Variants in TNS1 observed in about 807,000 individuals in gnomAD.
TNS1 encodes tensin 1, also known as tensin-1.
Under a neutral mutation model 168.6 loss-of-function variants are expected in TNS1, and 62 were observed. The observed-to-expected ratio is 0.37, with a 90% CI of 0.30 to 0.45. TNS1 has a LOEUF of 0.45. Among genes scored for constraint, TNS1 ranks in the 20% least tolerant of loss-of-function variants. The pLI is 1.00. For missense variants in TNS1, 2,240 were observed against 2,339.4 expected (o/e 0.96, Z 0.88); for synonymous variants, 934 against 933.2 (o/e 1.00, Z -0.02).
intron 3 of TNS1, among the ~76,000 whole-genome samples, chr2:217,973,367 GAAAAAAAA>G (rs58463140): frequency 1.7e-4 from 16 of 93,584 alleles, no homozygotes; most frequent in Non-Finnish European, 3.1e-4. Context: ...TCCTGTCTCT[GAAAAAAAA>G]AAAAAAAAAA....
In TNS1 at chr2:217,885,051, A is replaced by C; in HGVS notation, c.1230T>G (p.Leu410=). 6.2e-7 allele frequency: 1 copy of C among 1,614,226 alleles called. No homozygotes were observed. The part of the protein sequence containing the change: ...DLGVVFGKED[L]DDAFKDDRFP... ...GGAGCGCACCTTTGAAAGCATCATCAAGGTCCTCCTTCCCAAAGACAACCC... is the reference window on the plus strand; with the variant it reads ...GGAGCGCACCTTTGAAAGCATCATCCAGGTCCTCCTTCCCAAAGACAACCC... The change falls in exon 16 of 33, where the codon CTT becomes CTG. Residue 410 remains leucine, a synonymous_variant. Coordinates refer to ENST00000682258, the MANE Select transcript of TNS1 (RefSeq NM_001387777.1).
chr2:218,030,070 T>C (rs537222320), intron 1 of TNS1, among the ~76,000 whole-genome samples: 1 of 152,186 alleles, frequency 6.6e-6, no homozygotes, highest in South Asian at 2.1e-4. Context: ...TGACCGTCTC[T>C]AACTCTGACC....
chr2:217,817,406 G>A (rs1423560634), intron 24 of TNS1, among the ~76,000 whole-genome samples: 3 of 152,168 alleles, frequency 2.0e-5, no homozygotes, highest in African/African-American at 7.2e-5. Context: ...AGTGGTAATG[G>A]CTATGAGGAC....
chr2:217,949,874 G>T (rs1473246510), intron 3 of TNS1, among the ~76,000 whole-genome samples: 1 of 152,134 alleles, frequency 6.6e-6, no homozygotes, highest in Admixed American at 6.5e-5. Context: ...TCCAAAACAA[G>T]GGTTCCAAAG....
intron 12 of TNS1, among the ~76,000 whole-genome samples, chr2:217,887,444 G>C (rs1175996294): frequency 6.6e-6 from 1 of 152,188 alleles, no homozygotes. Flanking sequence ...GAGTAGCTGG[G>C]ATTACAGGCA....
chr2:218,029,730 C>T (rs139401696), intron 1 of TNS1, among the ~76,000 whole-genome samples: 109 of 152,304 alleles, frequency 7.2e-4, no homozygotes, highest in African/African-American at 2.5e-3. Context: ...GGTTAGAAGT[C>T]GGGATTGCGC....
Position 217,812,455 on chromosome 2 carries a change from G to A in TNS1, c.4955-10C>T, listed in dbSNP as rs201748688. The A allele has an allele frequency of 2.5e-6, 4 of 1,613,460 alleles. No individual in the cohort carries two copies. The highest frequency in any genetic ancestry group is 3.4e-6 in the Non-Finnish European group (4 of 1,179,616). ...AGGGCAGACAGCGATCCTGTAGGGA[G>A]GCAGACGGCATGTCATGGGCAGTGA... On this transcript the variant is annotated splice_polypyrimidine_tract_variant and intron_variant, in intron 27 of 32. Coordinates refer to ENST00000682258, the MANE Select transcript of TNS1 (RefSeq NM_001387777.1).
Position 217,897,873 on chromosome 2 carries a change from GGC to G in TNS1, c.466_467del (p.Ala156GlnfsTer2). On this transcript the variant is annotated frameshift_variant, in exon 8 of 33. Coordinates refer to ENST00000682258, the MANE Select transcript of TNS1 (RefSeq NM_001387777.1). LOFTEE classifies it high-confidence loss of function. The stretch of plus-strand genomic sequence containing the variant: ...GGTTGCTCCGGAAGTTCTCCTCATT[GGC>G]TGTGCTGGGGAAGGAGACAGCGATG... ...RIIAVSFPST[A>X]NEENFRSNLR... is the part of the protein sequence containing the mutation. 6.2e-7 allele frequency: 1 copy of G among 1,613,634 alleles called. No individual in the cohort carries two copies. The highest frequency in any genetic ancestry group is 8.5e-7 in the Non-Finnish European group (1 of 1,179,778).
chr2:217,842,205 C>T, intron 19 of TNS1: 1 of 692,560 alleles, frequency 1.4e-6, no homozygotes, highest in Non-Finnish European at 2.6e-6. Flanking sequence ...CAGTGCTATG[C>T]TTAATCTGGT....
In TNS1 at chr2:217,893,391, T is replaced by TGCGCGC. The variant is rs1553602104; in HGVS notation, c.717+42_717+47dup. The TGCGCGC allele has an allele frequency of 6.7e-6, 10 of 1,490,772 alleles. No individual in the cohort carries two copies. The African/African-American group carries it at 1.2e-4, about 18-fold the overall frequency. 92.3% of individuals were successfully genotyped at this position (1,490,772 alleles called of 1,614,324 possible). A position where few individuals can be genotyped will look rare whatever the true frequency, so the allele number is the denominator to read the frequency against. Reference sequence around the variant, plus strand: ...TCAGGCACACACACATGTGCGCATGTGCGCGCGCGCACACACACACACACA... The same window carrying TGCGCGC: ...TCAGGCACACACACATGTGCGCATGTGCGCGCGCGCGCGCGCACACACACACACACA... On this transcript the variant is annotated intron_variant, in intron 10 of 32. Coordinates refer to ENST00000682258, the MANE Select transcript of TNS1 (RefSeq NM_001387777.1).
chr2:217,945,488 G>A (rs1957080582), intron 3 of TNS1, among the ~76,000 whole-genome samples: 1 of 152,212 alleles, frequency 6.6e-6, no homozygotes, highest in Middle Eastern at 3.4e-3. Flanking sequence ...ATATGGGGAG[G>A]GCAGAGATAG....
At chr2:218,011,310 C>G (rs747330158), upstream of TNS1, among the ~76,000 whole-genome samples, 3 of 152,120 alleles carry the variant, frequency 2.0e-5, no homozygotes, top group Non-Finnish European at 4.4e-5. Context: ...GGGAGAGACA[C>G]AGAGACAGGT....
intron 6 of TNS1, 85 bp from the exon 7 acceptor site, chr2:217,900,597 A>G: frequency 3.0e-6 from 4 of 1,349,568 alleles, no homozygotes; most frequent in South Asian, 2.5e-5. Flanking sequence ...CCACGGGGGC[A>G]AACATGATCC....
chr2:217,906,075 T>G (rs1953655568), intron 6 of TNS1, among the ~76,000 whole-genome samples: 1 of 152,024 alleles, frequency 6.6e-6, no homozygotes, highest in African/African-American at 2.4e-5. Context: ...TCACACACCC[T>G]CTCTCCTCCC....
chr2:217,978,950 G>A (rs1490170117), intron 2 of TNS1, 148 bp from the exon 3 acceptor site: 2 of 633,048 alleles, frequency 3.2e-6, no homozygotes, highest in Admixed American at 2.2e-5. Flanking sequence ...AGGGAGAGAG[G>A]GAGGGGACGG....
At chr2:217,869,215 G>C (rs1419807668) in intron 18 of TNS1, among the ~76,000 whole-genome samples, 2 of 152,156 alleles carry the variant, frequency 1.3e-5, no homozygotes, top group African/African-American at 4.8e-5. Context: ...GGCAGGGGAG[G>C]GAGTGGGTAG....
chr2:217,885,845 AG>A (rs746997789), intron 14 of TNS1, 26 bp from the exon 15 acceptor site: 2 of 1,612,360 alleles, frequency 1.2e-6, no homozygotes, highest in African/African-American at 2.7e-5. Context: ...GGGCAGAAAA[AG>A]AGTGGGCTGC....
intron 21 of TNS1, among the ~76,000 whole-genome samples, chr2:217,833,311 T>C (rs918011151): frequency 1.3e-5 from 2 of 152,216 alleles, no homozygotes; most frequent in African/African-American, 4.8e-5. Flanking sequence ...TCCTGGGCAA[T>C]TGGGCCCTTC....
intron 1 of TNS1, among the ~76,000 whole-genome samples, chr2:218,029,223 C>T (rs567950322): frequency 3.9e-5 from 6 of 151,914 alleles, no homozygotes; most frequent in Non-Finnish European, 5.9e-5. Flanking sequence ...GGCACAAGGC[C>T]GGGGGGCAAG....
Sources: gnomAD v4.1 joint callset for allele counts (sites outside exome capture counted in the v4.1 genomes callset) on GRCh38, gnomAD v4.1.1 for gene constraint, MANE v1.5 for transcripts, NCBI Gene and HGNC (gene_info 2026-07-23, HGNC 2026-07-21) for gene names.